DMD: variants seen among roughly 807,000 people sequenced by gnomAD.
DMD encodes the protein mutant dystrophin.
In DMD, 63 loss-of-function variants were observed where a neutral mutation model predicts 330.1. The observed-to-expected ratio is 0.19, with a 90% CI of 0.16 to 0.24. The LOEUF is 0.24. Ranked by LOEUF, DMD falls within the 10% of genes least tolerant of loss-of-function variation. DMD has a pLI of 1.00. For synonymous variants in DMD, 1,223 were observed against 959.8 expected (o/e 1.27, Z -5.07); for missense variants, 3,344 against 2,684.1 (o/e 1.25, Z -5.43).
intron 49 of DMD, among the ~76,000 whole-genome samples, chrX:31,829,683 C>G (rs2092977153): frequency 9.0e-6 from 1 of 111,473 alleles, no homozygotes; most frequent in Non-Finnish European, 1.9e-5. Context: ...AAAAAGTAAA[C>G]TAGAATATAG....
intron 76 of DMD, among the ~76,000 whole-genome samples, chrX:31,144,167 C>G (rs1205197436): frequency 1.8e-5 from 2 of 111,980 alleles, no homozygotes; most frequent in Non-Finnish European, 3.8e-5. Context: ...TCCCACTGCT[C>G]CAGGTTCTTG....
At position 32,836,198 on chromosome X, in the gene DMD, A is replaced by ATT. The variant is rs200071842; in HGVS notation, c.264+8583_264+8584dup. On this transcript the variant is annotated intron_variant, in intron 4 of 78. Coordinates refer to ENST00000357033, the MANE Select transcript of DMD (RefSeq NM_004006.3). Reference sequence around the variant, plus strand: ...AGGCGCCAGCCACCACACCCGTCTAATTTTTTTTTTTTTAGTAGAGACGGG... The same window carrying ATT: ...AGGCGCCAGCCACCACACCCGTCTAATTTTTTTTTTTTTTTAGTAGAGACGGG... Among the ~76,000 whole-genome samples the ATT allele has an allele frequency of 3.3e-3, 333 of 101,755 alleles. 8 individuals carry two copies. In the East Asian group the frequency reaches 0.091, roughly 28 times the overall value. 88.4% of individuals were successfully genotyped at this position (101,755 alleles called of 115,157 possible). A position where few individuals can be genotyped will look rare whatever the true frequency, so the allele number is the denominator to read the frequency against.
intron 4 of DMD, among the ~76,000 whole-genome samples, chrX:32,840,245 A>G (rs2080043651): frequency 8.9e-6 from 1 of 111,978 alleles, no homozygotes; most frequent in Non-Finnish European, 1.9e-5. Context: ...CCTTTTCCCT[A>G]CTAAAACATT....
intron 45 of DMD, among the ~76,000 whole-genome samples, chrX:31,939,612 G>T (rs976642504): frequency 2.7e-5 from 3 of 110,372 alleles, no homozygotes; most frequent in Non-Finnish European, 5.7e-5. Flanking sequence ...GAGGATTAAA[G>T]TTTTTTTTGC....
chrX:32,247,190 G>A (rs2097243196), intron 43 of DMD, among the ~76,000 whole-genome samples: 1 of 111,586 alleles, frequency 9.0e-6, no homozygotes, highest in Non-Finnish European at 1.9e-5. Flanking sequence ...CCATGCACCT[G>A]TCACCACCTT....
At chrX:31,993,330 T>C (rs1160544159) in intron 44 of DMD, among the ~76,000 whole-genome samples, 1 of 111,944 alleles carries the variant, frequency 8.9e-6, no homozygotes, top group Non-Finnish European at 1.9e-5. Context: ...AAACAGGTGC[T>C]TGGGACAATG....
chrX:31,718,102 T>C (rs2085195058), intron 52 of DMD, among the ~76,000 whole-genome samples: 1 of 112,136 alleles, frequency 8.9e-6, no homozygotes, highest in South Asian at 3.7e-4. Context: ...ACACTGAAAA[T>C]AGAAAATTCT....
chrX:32,719,214 T>C (rs956051820), intron 7 of DMD, among the ~76,000 whole-genome samples: 2 of 111,999 alleles, frequency 1.8e-5, no homozygotes, highest in African/African-American at 6.5e-5. Context: ...ATCTGATGAA[T>C]TGAAAATAAT....
At chrX:31,588,872 GTTTT>G (rs58845554) in intron 55 of DMD, among the ~76,000 whole-genome samples, 7 of 77,563 alleles carry the variant, frequency 9.0e-5, no homozygotes, top group African/African-American at 2.4e-4. Context: ...CAAAGTCTAT[GTTTT>G]TTTTTTTTTT....
chrX:33,273,566 C>T (rs752302956), intron 1 of DMD, among the ~76,000 whole-genome samples: 41 of 112,163 alleles, frequency 3.7e-4, no homozygotes, highest in Admixed American at 3.3e-3. Context: ...CCCTTACTGC[C>T]ACCCAGAATT....
At chrX:32,829,777 C>T (rs762859794) in intron 4 of DMD, among the ~76,000 whole-genome samples, 5 of 111,351 alleles carry the variant, frequency 4.5e-5, no homozygotes, top group Non-Finnish European at 9.5e-5. Context: ...GAACATTTTA[C>T]ATTTATGTGC....
At chrX:32,454,641 T>C in intron 26 of DMD, 21 bp downstream of exon 26, 1 of 1,075,749 alleles carries the variant, frequency 9.3e-7, no homozygotes, top group Non-Finnish European at 1.2e-6. Context: ...TTTTACTTAG[T>C]TTTTCTTTTT....
chrX:33,221,460 C>T (rs1054760326), intron 1 of DMD, among the ~76,000 whole-genome samples: 6 of 111,098 alleles, frequency 5.4e-5, no homozygotes, highest in African/African-American at 1.6e-4. Context: ...AACGCATACA[C>T]TAGACAAGAT....
At chrX:31,509,812 T>G (rs2071311348) in intron 55 of DMD, among the ~76,000 whole-genome samples, 1 of 112,469 alleles carries the variant, frequency 8.9e-6, no homozygotes, top group Non-Finnish European at 1.9e-5. Context: ...TGATTTATTG[T>G]CTAGTTTTAG....
chrX:31,711,740 A>T lies in DMD; in HGVS notation c.7660+17891T>A, dbSNP rs139503900. ...CCCTGAAAAAGAGCCTTAGTGAGGA[A>T]CTTATATCACAATACACAGTTTAGA... On this transcript the variant is annotated intron_variant, in intron 52 of 78. Coordinates refer to ENST00000357033, the MANE Select transcript of DMD (RefSeq NM_004006.3). Among the ~76,000 whole-genome samples, 766 of 111,335 alleles carry T rather than the reference A, an allele frequency of 6.9e-3. 5 individuals are homozygous for T. Among genetic ancestry groups the T allele is most frequent in the African/African-American group, 0.023 (716 of 30,679 alleles).
At chrX:31,265,635 G>A (rs1199059438) in intron 62 of DMD, among the ~76,000 whole-genome samples, 3 of 110,419 alleles carry the variant, frequency 2.7e-5, no homozygotes, top group Non-Finnish European at 1.9e-5. Flanking sequence ...CCAATTCCAC[G>A]GTGTTCAAGG....
At chrX:31,590,855 CTATT>C (rs757103129) in intron 55 of DMD, among the ~76,000 whole-genome samples, 1 of 111,837 alleles carries the variant, frequency 8.9e-6, no homozygotes, top group African/African-American at 3.2e-5. Flanking sequence ...TTAAGATAGA[CTATT>C]TAAACTCTGT....
intron 52 of DMD, among the ~76,000 whole-genome samples, chrX:31,683,169 T>A (rs2082480096): frequency 8.9e-6 from 1 of 111,965 alleles, no homozygotes; most frequent in Admixed American, 9.5e-5. Context: ...TAATTAAAAA[T>A]ATTTATAGGC....
intron 25 of DMD, among the ~76,000 whole-genome samples, chrX:32,460,966 T>A (rs2098381303): frequency 8.9e-6 from 1 of 111,812 alleles, no homozygotes; most frequent in African/African-American, 3.2e-5. Context: ...TATCTGATCA[T>A]TTTTTTAGAA....
Sources: gnomAD v4.1 joint callset for allele counts (sites outside exome capture counted in the v4.1 genomes callset) on GRCh38, gnomAD v4.1.1 for gene constraint, MANE v1.5 for transcripts, NCBI Gene and HGNC (gene_info 2026-07-23, HGNC 2026-07-21) for gene names.